Variants in SLC35E4 observed in about 807,000 individuals in gnomAD.
SLC35E4 encodes the protein solute carrier family 35, member E4.
In SLC35E4, 15 loss-of-function variants were observed where a neutral mutation model predicts 19.3. The ratio of observed to expected loss-of-function variants is 0.78; its 90% CI spans 0.52 to 1.20. The LOEUF (loss-of-function observed/expected upper bound fraction) is 1.20. SLC35E4 is among the 50% of genes most tolerant of loss of function. The pLI, the probability that SLC35E4 is intolerant of heterozygous loss-of-function variation, is 0.00. For missense variants in SLC35E4, 406 were observed against 472.3 expected (o/e 0.86, Z 1.30); for synonymous variants, 219 against 219.9 (o/e 1.00, Z 0.04).
rs760341008 is a variant in SLC35E4 at position 30,637,047 on chromosome 22, C to T, written c.597C>T (p.Arg199=). Residue 199 remains arginine, a synonymous_variant, in exon 1 of 2, where the codon CGC becomes CGT. Transcript: ENST00000343605. The part of the protein sequence containing the change: ...CGFLLAATCL[R]GLKSVQQSAL... ...TCCTGCTCGCAGCCACCTGCCTCCG[C>T]GGACTCAAGTCGGTTCAGCAAAGTA... 2.5e-6 allele frequency: 4 copies of T among 1,579,750 alleles called. No homozygotes were observed. The highest frequency in any genetic ancestry group is 2.3e-5 in the South Asian group (2 of 87,542).
intron 2 of SLC35E4, among the ~76,000 whole-genome samples, chr22:30,653,623 C>G (rs1297342367): frequency 1.3e-5 from 2 of 152,046 alleles, no homozygotes; most frequent in South Asian, 4.1e-4. Context: ...CCCGCCCCCC[C>G]TCGGCCTCCC....
chr22:30,661,170 G>A (rs1395676836), intron 2 of SLC35E4, among the ~76,000 whole-genome samples: 2 of 151,860 alleles, frequency 1.3e-5, no homozygotes, highest in South Asian at 2.1e-4. Flanking sequence ...CTAATAATGA[G>A]CAATTGGAAA....
chr22:30,661,244 C>G (rs1230927695), intron 2 of SLC35E4, among the ~76,000 whole-genome samples: 2 of 152,104 alleles, frequency 1.3e-5, no homozygotes, highest in African/African-American at 4.8e-5. Flanking sequence ...TCATGGATCT[C>G]AAATCCAAAA....
chr22:30,664,082 T>C (rs1023750884), downstream of SLC35E4: 5 of 1,373,866 alleles, frequency 3.6e-6, no homozygotes, highest in African/African-American at 5.8e-5. Flanking sequence ...CATGGAAAAC[T>C]GCAGAGAGGG....
At chr22:30,644,788 AAAT>A (rs936260070) in intron 1 of SLC35E4, among the ~76,000 whole-genome samples, 31 of 152,106 alleles carry the variant, frequency 2.0e-4, no homozygotes, top group African/African-American at 6.0e-4. Flanking sequence ...ACCCTGTCTC[AAAT>A]AATAATAATA....
chr22:30,653,975 T>C (rs1367889561), intron 2 of SLC35E4: 1 of 147,396 alleles, frequency 6.8e-6, no homozygotes, highest in Non-Finnish European at 1.4e-5. Flanking sequence ...ATTAGCTGTT[T>C]TGTTTTTTTG....
chr22:30,642,566 C>T (rs750145280), intron 1 of SLC35E4, among the ~76,000 whole-genome samples: 2 of 151,626 alleles, frequency 1.3e-5, no homozygotes, highest in Non-Finnish European at 2.9e-5. Context: ...GGTGAATCCC[C>T]GTCTCTACTA....
chr22:30,636,957 G>C lies in SLC35E4; in HGVS notation c.507G>C (p.Pro169=), dbSNP rs776989043. The C allele has an allele frequency of 1.6e-5, 26 of 1,611,892 alleles. No individual in the cohort carries two copies. In the South Asian group the frequency reaches 1.8e-4, roughly 11 times the overall value. Residue 169 remains proline (P), a synonymous_variant, in exon 1 of 2, where the codon CCG becomes CCC. Transcript: ENST00000343605. The part of the protein sequence containing the change: ...HHPLQLAAMG[P]LCLGAACSLA... ...CACTTCAGTTGGCCGCCATGGGTCC[G>C]CTCTGCCTGGGGGCCGCCTGCAGCC...
At chr22:30,648,714 G>A (rs938614661), downstream of SLC35E4, among the ~76,000 whole-genome samples, 2 of 152,090 alleles carry the variant, frequency 1.3e-5, no homozygotes, top group African/African-American at 4.8e-5. Context: ...TGGCCAACAA[G>A]ACCGAAACTC....
intron 1 of SLC35E4, among the ~76,000 whole-genome samples, chr22:30,644,260 T>C (rs148561304): frequency 8.4e-4 from 128 of 152,298 alleles, no homozygotes; most frequent in Middle Eastern, 6.8e-3. Flanking sequence ...CGGAATGAAA[T>C]TGAGAGAGAA....
intron 1 of SLC35E4, among the ~76,000 whole-genome samples, chr22:30,638,679 G>A (rs1056234811): frequency 4.4e-5 from 4 of 90,758 alleles, no homozygotes; most frequent in Admixed American, 2.4e-4. Context: ...GAGCGTGATG[G>A]TGGGCGCCTG....
In SLC35E4 at chr22:30,647,727, T is replaced by C. The variant is rs1340355297; in HGVS notation, c.*696T>C. On this transcript the variant is annotated 3_prime_UTR_variant, in exon 2 of 2. Coordinates refer to ENST00000343605, the MANE Select transcript of SLC35E4 (RefSeq NM_001001479.4). The stretch of plus-strand genomic sequence containing the variant: ...TTCTTGGCGGTTACACAATCCTTCC[T>C]CCTGGGGGGGAGGCAGCTAGGAGGC... The C allele has an allele frequency of 1.3e-5, 2 of 152,218 alleles. No homozygotes were observed. Among genetic ancestry groups the C allele is most frequent in the Non-Finnish European group, 2.9e-5 (2 of 68,040 alleles). The allele number at this position is 152,218 out of a possible 1,614,324, so 9.4% of individuals were successfully genotyped here. A position where few individuals can be genotyped will look rare whatever the true frequency, so the allele number is the denominator to read the frequency against.
At chr22:30,649,464 G>C (rs2088177941), downstream of SLC35E4, among the ~76,000 whole-genome samples, 1 of 152,198 alleles carries the variant, frequency 6.6e-6, no homozygotes, top group African/African-American at 2.4e-5. Flanking sequence ...GCTAGACAGG[G>C]CTGAGTAAAG....
Position 30,636,391 on chromosome 22 carries a change from C to T in SLC35E4, c.-60C>T. 2 of 1,437,846 alleles carry T rather than the reference C, an allele frequency of 1.4e-6. No homozygotes were observed. Among genetic ancestry groups the T allele is most frequent in the South Asian group, 2.9e-5 (2 of 68,830 alleles). The allele number at this position is 1,437,846 out of a possible 1,614,324, so 89.1% of individuals were successfully genotyped here. On this transcript the variant is annotated 5_prime_UTR_variant, in exon 1 of 2. Coordinates refer to ENST00000343605, the MANE Select transcript of SLC35E4 (RefSeq NM_001001479.4). The stretch of plus-strand genomic sequence containing the variant: ...CTAGCCTGGCCCCAAGCGGAACTCT[C>T]TGGTGGCCCAGAGGTCGTCACTGGG...
chr22:30,650,453 G>A (rs143921066), downstream of SLC35E4, among the ~76,000 whole-genome samples: 171 of 152,260 alleles, frequency 1.1e-3, no homozygotes, highest in Middle Eastern at 6.8e-3. Flanking sequence ...CCAAGATTAC[G>A]CCACTGCACT....
intron 1 of SLC35E4, among the ~76,000 whole-genome samples, chr22:30,642,947 G>A (rs1340034453): frequency 1.3e-5 from 2 of 149,666 alleles, no homozygotes; most frequent in South Asian, 2.1e-4. Context: ...GGAGAATGGC[G>A]TGAACCCGGG....
At chr22:30,666,990 T>C (rs2088695877), downstream of SLC35E4, 1 of 151,650 alleles carries the variant, frequency 6.6e-6, no homozygotes, top group Admixed American at 6.6e-5. Context: ...GCCTAGGGAG[T>C]CGCAAAGACC....
At chr22:30,663,706 T>A (rs747647004), downstream of SLC35E4, 9 of 1,614,214 alleles carry the variant, frequency 5.6e-6, no homozygotes, top group Non-Finnish European at 7.6e-6. Flanking sequence ...TGCAGCAAAG[T>A]ACGGCCCTGC....
At chr22:30,639,034 A>G (rs2087994752) in intron 1 of SLC35E4, among the ~76,000 whole-genome samples, 1 of 152,208 alleles carries the variant, frequency 6.6e-6, no homozygotes, top group African/African-American at 2.4e-5. Flanking sequence ...TGGGAGGCTG[A>G]GGTGTATTGG....
Sources: allele counts gnomAD v4.1 joint callset (sites outside exome capture counted in the v4.1 genomes callset), GRCh38; gene constraint gnomAD v4.1.1; transcripts MANE v1.5; gene names NCBI Gene and HGNC (gene_info 2026-07-23, HGNC 2026-07-21).